C9orf153: variants seen among roughly 807,000 people sequenced by gnomAD.
The protein encoded by C9orf153 is chromosome 9 open reading frame 153.
Under a neutral mutation model 9.0 loss-of-function variants are expected in C9orf153, and 10 were observed. The observed-to-expected ratio is 1.11, with a 90% CI of 0.69 to 1.89. The LOEUF (loss-of-function observed/expected upper bound fraction) is 1.89, where lower values mean the gene tolerates loss of function less well. C9orf153 is among the 40% of genes most tolerant of loss of function. The pLI is 0.00. For missense variants in C9orf153, 108 were observed against 111.0 expected (o/e 0.97, Z 0.12); for synonymous variants, 35 against 37.3 (o/e 0.94, Z 0.23).
chr9:86,257,305 T>C (rs181352128), intron 1 of C9orf153, among the ~76,000 whole-genome samples: 1 of 152,298 alleles, frequency 6.6e-6, no homozygotes, highest in East Asian at 1.9e-4. Context: ...TTCCATGCTT[T>C]GGGAATGCTA....
At chr9:86,240,870 G>C (rs1824726460) in intron 1 of C9orf153, among the ~76,000 whole-genome samples, 1 of 151,182 alleles carries the variant, frequency 6.6e-6, no homozygotes, top group Non-Finnish European at 1.5e-5. Flanking sequence ...CGCCACTCCT[G>C]GCTAATTTTT....
chr9:86,231,095 A>G (rs1824459374), intron 1 of C9orf153, among the ~76,000 whole-genome samples: 1 of 152,146 alleles, frequency 6.6e-6, no homozygotes. Context: ...AGTATTGACC[A>G]CTAGACATGT....
intron 3 of C9orf153, among the ~76,000 whole-genome samples, chr9:86,222,355 A>G (rs762726096): frequency 6.6e-6 from 1 of 152,116 alleles, no homozygotes; most frequent in Non-Finnish European, 1.5e-5. Flanking sequence ...CAGAATGTGC[A>G]AATGGAGAGC....
At chr9:86,238,591 G>T (rs1210841417) in intron 1 of C9orf153, among the ~76,000 whole-genome samples, 3 of 152,102 alleles carry the variant, frequency 2.0e-5, no homozygotes, top group Non-Finnish European at 4.4e-5. Context: ...CCCAAGAGAG[G>T]GACTGCCCAA....
chr9:86,240,707 C>CTT (rs367674249), intron 1 of C9orf153, among the ~76,000 whole-genome samples: 15,852 of 116,050 alleles, frequency 0.14, 1,686 homozygotes, highest in Non-Finnish European at 0.18. Context: ...TTTTCTTTTT[C>CTT]TTTTTTTTTT....
chr9:86,223,159 G>A (rs1186332492), intron 3 of C9orf153, among the ~76,000 whole-genome samples: 1 of 152,144 alleles, frequency 6.6e-6, no homozygotes, highest in African/African-American at 2.4e-5. Flanking sequence ...AAGGAAGGAA[G>A]GGGATCTTTA....
intron 1 of C9orf153, among the ~76,000 whole-genome samples, chr9:86,237,285 AG>A (rs1267404850): frequency 2.6e-5 from 4 of 152,208 alleles, no homozygotes; most frequent in African/African-American, 9.6e-5. Flanking sequence ...ACAAGGAACA[AG>A]GGCAAAAAAT....
intron 1 of C9orf153, among the ~76,000 whole-genome samples, chr9:86,245,374 T>C (rs902432858): frequency 6.6e-6 from 1 of 152,212 alleles, no homozygotes; most frequent in Non-Finnish European, 1.5e-5. Flanking sequence ...TTTCATCTTG[T>C]AAAACTGAAA....
intron 3 of C9orf153, chr9:86,227,420 A>G: frequency 6.8e-7 from 1 of 1,469,076 alleles, no homozygotes. Context: ...ACATATTAAT[A>G]GCAGCCATGA....
intron 1 of C9orf153, among the ~76,000 whole-genome samples, chr9:86,239,570 G>A (rs1474584916): frequency 6.6e-6 from 1 of 152,160 alleles, no homozygotes; most frequent in Non-Finnish European, 1.5e-5. Context: ...GAAGGGCCTG[G>A]ATGGCTGGAC....
chr9:86,257,705 G>C (rs1057419596), intron 1 of C9orf153, among the ~76,000 whole-genome samples: 1 of 152,192 alleles, frequency 6.6e-6, no homozygotes, highest in Admixed American at 6.5e-5. Flanking sequence ...ACGATTGATT[G>C]ACAGGGAATG....
intron 3 of C9orf153, among the ~76,000 whole-genome samples, chr9:86,223,595 A>G (rs745621655): frequency 3.9e-4 from 60 of 152,202 alleles, no homozygotes; most frequent in Non-Finnish European, 6.3e-4. Flanking sequence ...AAGAACTCTT[A>G]TTCACCAGCC....
chr9:86,229,174 T>C (rs940529409), intron 2 of C9orf153, among the ~76,000 whole-genome samples: 22 of 151,452 alleles, frequency 1.5e-4, no homozygotes, highest in African/African-American at 5.4e-4. Context: ...GGGAGTTAAA[T>C]AGTGTGATGT....
rs572867363 is a variant in C9orf153, at chr9:86,253,397, G to A, written c.-27+6153C>T. Among the ~76,000 whole-genome samples, 8 of 152,244 alleles carry A rather than the reference G, an allele frequency of 5.3e-5. No individual in the cohort carries two copies. The South Asian group carries it at 1.2e-3, about 24-fold the overall frequency. ...GGTCCAAGAAACTCAAGATATTTTGGGGACTTCTAGAAGAGAGGAATTAAC... is the reference window on the plus strand; with the variant it reads ...GGTCCAAGAAACTCAAGATATTTTGAGGACTTCTAGAAGAGAGGAATTAAC... On this transcript the variant is annotated intron_variant, in intron 1 of 3. Transcript: ENST00000339137.
At chr9:86,240,857 C>T (rs1172603087) in intron 1 of C9orf153, among the ~76,000 whole-genome samples, 1 of 151,274 alleles carries the variant, frequency 6.6e-6, no homozygotes, top group East Asian at 1.9e-4. Flanking sequence ...TATAGATGTG[C>T]ACCGCCACTC....
intron 1 of C9orf153, among the ~76,000 whole-genome samples, chr9:86,245,848 G>C (rs1365734939): frequency 6.6e-6 from 1 of 152,138 alleles, no homozygotes; most frequent in Non-Finnish European, 1.5e-5. Context: ...CAAAGTAAAA[G>C]CATGACTTTA....
intron 3 of C9orf153, among the ~76,000 whole-genome samples, chr9:86,226,101 G>C (rs1165222186): frequency 6.6e-6 from 1 of 152,092 alleles, no homozygotes; most frequent in Non-Finnish European, 1.5e-5. Context: ...GGCTTTACTT[G>C]TGTACTTTGC....
At chr9:86,228,723 C>A (rs956137762) in intron 2 of C9orf153, 2 of 152,762 alleles carry the variant, frequency 1.3e-5, no homozygotes, top group African/African-American at 2.4e-5. Context: ...GCCATAGTCT[C>A]AGGTTAGGGC....
At chr9:86,224,506 A>G (rs1045979263) in intron 3 of C9orf153, among the ~76,000 whole-genome samples, 1 of 152,198 alleles carries the variant, frequency 6.6e-6, no homozygotes, top group African/African-American at 2.4e-5. Flanking sequence ...ATGGTATCTT[A>G]CAAAATAGCT....
Sources: gnomAD v4.1 joint callset for allele counts (sites outside exome capture counted in the v4.1 genomes callset) on GRCh38, gnomAD v4.1.1 for gene constraint, MANE v1.5 for transcripts, NCBI Gene and HGNC (gene_info 2026-07-23, HGNC 2026-07-21) for gene names.